Variants in ATP6V1B1 observed in about 807,000 individuals in gnomAD.
ATP6V1B1 encodes the protein ATPase H+ transporting V1 subunit B1.
Under a neutral mutation model 62.1 loss-of-function variants are expected in ATP6V1B1, and 41 were observed. The ratio of observed to expected loss-of-function variants is 0.66; its 90% CI spans 0.51 to 0.86. The LOEUF is 0.86. ATP6V1B1 is among the 40% of genes least tolerant of loss of function. The probability of loss-of-function intolerance (pLI) is 0.00; values close to 1 mark genes in which losing one functional copy is unlikely to be tolerated. For synonymous variants in ATP6V1B1, 253 were observed against 273.4 expected (o/e 0.93, Z 0.74); for missense variants, 651 against 697.5 (o/e 0.93, Z 0.75).
chr2:70,959,092 A>AG lies in ATP6V1B1; in HGVS notation c.442_443insG (p.Asn148ArgfsTer25). The stretch of plus-strand genomic sequence containing the variant: ...CATGGCGGAGGACTTTCTGGATATC[A>AG]ATGGTGAGTGACTGGAGGTTCTGGA... On this transcript the variant is annotated frameshift_variant, in exon 5 of 14. Transcript: ENST00000234396. LOFTEE classifies it high-confidence loss of function. The surrounding 1 kb of genome is among the most constrained non-coding windows in gnomAD (Gnocchi z 4.2). The AG allele has an allele frequency of 6.2e-7, 1 of 1,614,040 alleles. No homozygotes were observed. Among genetic ancestry groups the AG allele is most frequent in the Non-Finnish European group, 8.5e-7 (1 of 1,179,988 alleles).
chr2:70,965,118 C>G lies in ATP6V1B1; in HGVS notation c.1539C>G (p.Leu513=), dbSNP rs2104835039. ...AGGACCTCGCGCCTGACACTGCGCT[C>G]TAGCCCCGCGCGCCGTGGCACCCCA... The part of the protein sequence containing the change: ...ALQDLAPDTA[L] The change falls in exon 14 of 14, where the codon CTC becomes CTG. Residue 513 remains leucine, a synonymous_variant. Transcript: ENST00000234396. 1.9e-6 allele frequency: 3 copies of G among 1,609,466 alleles called. No homozygotes were observed. Among genetic ancestry groups the G allele is most frequent in the East Asian group, 2.2e-5 (1 of 44,882 alleles).
At position 70,959,734 on chromosome 2, in the gene ATP6V1B1, A is replaced by T. The variant is rs1169352491; in HGVS notation, c.446-205A>T. ...TTAAATTTAAACTAATTCAAACAGAAAGAAAGTCCCATTTCAGAGTCACAC... is the reference window on the plus strand; with the variant it reads ...TTAAATTTAAACTAATTCAAACAGATAGAAAGTCCCATTTCAGAGTCACAC... On this transcript the variant is annotated intron_variant, in intron 5 of 13. Coordinates refer to ENST00000234396, the MANE Select transcript of ATP6V1B1 (RefSeq NM_001692.4). This position sits in a 1 kb window ranked among gnomAD's most constrained non-coding sequence, Gnocchi z 4.2. 6.6e-6 allele frequency among the ~76,000 whole-genome samples: 1 copy of T among 152,212 alleles called. No individual in the cohort carries two copies. The highest frequency in any genetic ancestry group is 6.5e-5 in the Admixed American group (1 of 15,290).
intron 2 of ATP6V1B1, among the ~76,000 whole-genome samples, chr2:70,944,754 C>T (rs1553417031): frequency 1.3e-5 from 2 of 151,584 alleles, no homozygotes; most frequent in Admixed American, 6.6e-5. Context: ...CTGCAAGCTC[C>T]GCCCTCCAGG....
chr2:70,954,858 C>G (rs1680398822), intron 2 of ATP6V1B1, among the ~76,000 whole-genome samples: 1 of 152,060 alleles, frequency 6.6e-6, no homozygotes, highest in African/African-American at 2.4e-5. Context: ...GGTGAGGGAG[C>G]CTAGGGGATG....
chr2:70,962,879 C>T lies in ATP6V1B1; in HGVS notation c.888C>T (p.Ser296=), dbSNP rs2104831291. The change falls in exon 9 of 14, where the codon TCC becomes TCT. Residue 296 remains serine (S), a synonymous_variant. Coordinates refer to ENST00000234396, the MANE Select transcript of ATP6V1B1 (RefSeq NM_001692.4). ...TGGTCATACTGACGGACATGAGTTC[C>T]TATGCAGAGGCCTTGCGGGAGGTAA... is the stretch of plus-strand genomic sequence containing the variant. ...HVLVILTDMS[S]YAEALREVSA... 1 of 1,614,116 alleles carries T rather than the reference C, an allele frequency of 6.2e-7. No individual in the cohort carries two copies. The highest frequency in any genetic ancestry group is 8.5e-7 in the Non-Finnish European group (1 of 1,180,016).
chr2:70,938,437 G>A (rs1445317822), intron 1 of ATP6V1B1: 1 of 561,106 alleles, frequency 1.8e-6, no homozygotes, highest in Non-Finnish European at 2.3e-6. Context: ...GGAGAACTCT[G>A]GGAGAAAAGC....
intron 6 of ATP6V1B1, 74 bp from the exon 7 acceptor site, chr2:70,960,847 G>A (rs920632560): frequency 7.5e-7 from 1 of 1,334,038 alleles, no homozygotes; most frequent in Non-Finnish European, 1.0e-6. Flanking sequence ...CAAAGGCCAT[G>A]AGCCAGTGGT....
chr2:70,962,924 C>A, intron 9 of ATP6V1B1, 24 bp downstream of exon 9: 2 of 1,613,404 alleles, frequency 1.2e-6, no homozygotes, highest in South Asian at 2.2e-5. Flanking sequence ...CAAGGGGTGT[C>A]AGATTCCTCC....
Position 70,961,001 on chromosome 2 carries a change from C to T in ATP6V1B1, c.666C>T (p.Ala222=). ...TGGATTACCATGACGACAACTTCGC[C>T]ATCGTCTTTGCAGCCATGGGGGTGA... ...AVLDYHDDNF[A]IVFAAMGVNM... The change falls in exon 7 of 14, where the codon GCC becomes GCT. Residue 222 remains alanine (A), a synonymous_variant. Coordinates refer to ENST00000234396, the MANE Select transcript of ATP6V1B1 (RefSeq NM_001692.4). 2 of 1,596,308 alleles carry T rather than the reference C, an allele frequency of 1.3e-6. No individual in the cohort carries two copies. Among genetic ancestry groups the T allele is most frequent in the Non-Finnish European group, 1.7e-6 (2 of 1,171,364 alleles).
At chr2:70,960,242 A>C (rs1274235415) in intron 6 of ATP6V1B1, among the ~76,000 whole-genome samples, 164 bp downstream of exon 6, 1 of 152,170 alleles carries the variant, frequency 6.6e-6, no homozygotes, top group African/African-American at 2.4e-5. Flanking sequence ...TCAGGGACTC[A>C]GGACTGCACA....
chr2:70,962,483 C>T (rs1680612874), intron 8 of ATP6V1B1, among the ~76,000 whole-genome samples: 1 of 152,180 alleles, frequency 6.6e-6, no homozygotes, highest in African/African-American at 2.4e-5. Context: ...AAGCCACTCT[C>T]ATCTTCATCA....
At position 70,944,102 on chromosome 2, in the gene ATP6V1B1, C is replaced by T. The variant is rs1328102520; in HGVS notation, c.174+389C>T. ...TCGAGGGCTAGACTCTCCCCACCCT[C>T]GACTCTCACAGGATCTTCTTTTAAC... On this transcript the variant is annotated intron_variant, in intron 2 of 13. Transcript: ENST00000234396. 21 of 1,281,402 alleles carry T rather than the reference C, an allele frequency of 1.6e-5. No individual in the cohort carries two copies. In the Middle Eastern group the frequency reaches 8.5e-4, roughly 52 times the overall value. 79.4% of individuals were successfully genotyped at this position (1,281,402 alleles called of 1,614,324 possible). A position where few individuals can be genotyped will look rare whatever the true frequency, so the allele number is the denominator to read the frequency against.
At position 70,959,790 on chromosome 2, in the gene ATP6V1B1, G is replaced by A. The variant is rs1299885439; in HGVS notation, c.446-149G>A. On this transcript the variant is annotated intron_variant, in intron 5 of 13. Coordinates refer to ENST00000234396, the MANE Select transcript of ATP6V1B1 (RefSeq NM_001692.4). The surrounding 1 kb of genome is among the most constrained non-coding windows in gnomAD (Gnocchi z 4.2). ...GTGCTCAATAGCCATTTGTATCTAGGGCTACATCAGGCAGCACGGCCAGAG... is the reference window on the plus strand; with the variant it reads ...GTGCTCAATAGCCATTTGTATCTAGAGCTACATCAGGCAGCACGGCCAGAG... The A allele has an allele frequency of 3.6e-6, 4 of 1,098,042 alleles. No individual in the cohort carries two copies. The highest frequency in any genetic ancestry group is 1.4e-5 in the South Asian group (1 of 73,736). 68.0% of individuals were successfully genotyped at this position (1,098,042 alleles called of 1,614,324 possible).
Position 70,965,144 on chromosome 2 carries a change from ACACCGGCAGGGAACCTAC to A in ATP6V1B1, c.*25_*42del. On this transcript the variant is annotated 3_prime_UTR_variant, in exon 14 of 14. Coordinates refer to ENST00000234396, the MANE Select transcript of ATP6V1B1 (RefSeq NM_001692.4). The stretch of plus-strand genomic sequence containing the variant: ...TAGCCCCGCGCGCCGTGGCACCCCA[ACACCGGCAGGGAACCTAC>A]CCTCGGCTCCCGGGTCTCCCCTCCC... 6.2e-7 allele frequency: 1 copy of A among 1,604,392 alleles called. No individual in the cohort carries two copies. Among genetic ancestry groups the A allele is most frequent in the Admixed American group, 1.7e-5 (1 of 59,974 alleles).
intron 2 of ATP6V1B1, chr2:70,947,620 C>T (rs1298823729): frequency 6.6e-6 from 1 of 152,258 alleles, no homozygotes; most frequent in Non-Finnish European, 1.5e-5. Context: ...AAAGAGGAGC[C>T]TCCGCACTGC....
At position 70,936,055 on chromosome 2, in the gene ATP6V1B1, T is replaced by A; in HGVS notation, c.101T>A (p.Ile34Asn). 1.9e-6 allele frequency: 3 copies of A among 1,612,146 alleles called. No homozygotes were observed. Among genetic ancestry groups the A allele is most frequent in the Non-Finnish European group, 2.5e-6 (3 of 1,178,938 alleles). Residue 34 changes from isoleucine to asparagine, a missense_variant, in exon 1 of 14, where the codon ATC becomes AAC. Coordinates refer to ENST00000234396, the MANE Select transcript of ATP6V1B1 (RefSeq NM_001692.4). The part of the protein sequence containing the change: ...EHMQAVTRNY[I>N]THPRVTYRTV... ...ATGCAGGCGGTCACCCGAAACTACA[T>A]CACCCACCCCCGTGTCAGTGAGTAG...
At chr2:70,938,912 T>C (rs1239907583) in intron 1 of ATP6V1B1, 2 of 539,896 alleles carry the variant, frequency 3.7e-6, no homozygotes, top group African/African-American at 4.1e-5. Flanking sequence ...CAAACCACTG[T>C]CTTTGCCTCC....
At chr2:70,961,340 A>T (rs1172479736) in intron 7 of ATP6V1B1, among the ~76,000 whole-genome samples, 1 of 152,124 alleles carries the variant, frequency 6.6e-6, no homozygotes, top group Admixed American at 6.5e-5. Flanking sequence ...AGGGGCAGGG[A>T]TGGCACTGAG....
intron 1 of ATP6V1B1, chr2:70,938,909 C>T (rs1464022007): frequency 1.8e-6 from 1 of 544,140 alleles, no homozygotes; most frequent in Non-Finnish European, 2.3e-6. Context: ...TGCCAAACCA[C>T]TGTCTTTGCC....
Sources: allele counts gnomAD v4.1 joint callset (sites outside exome capture counted in the v4.1 genomes callset), GRCh38; gene constraint gnomAD v4.1.1; non-coding constraint Gnocchi (gnomAD v3.1); transcripts MANE v1.5; gene names NCBI Gene and HGNC (gene_info 2026-07-23, HGNC 2026-07-21).